Variants in DSG4 observed in about 807,000 individuals in gnomAD.
DSG4 encodes desmoglein 4.
In DSG4, 87 loss-of-function variants were observed where a neutral mutation model predicts 93.1. The ratio of observed to expected loss-of-function variants is 0.93; its 90% confidence interval spans 0.79 to 1.12. The LOEUF (loss-of-function observed/expected upper bound fraction) is 1.12, where lower values mean the gene tolerates loss of function less well. DSG4 is among the 50% of genes most tolerant of loss of function. DSG4 has a pLI of 0.00. For synonymous variants in DSG4, 432 were observed against 452.9 expected (o/e 0.95, Z 0.59); for missense variants, 1,373 against 1,285.7 (o/e 1.07, Z -1.04).
intron 13 of DSG4, 54 bp downstream of exon 13, chr18:31,409,645 A>G (rs2072465038): frequency 1.2e-6 from 2 of 1,614,084 alleles, no homozygotes; most frequent in Admixed American, 3.3e-5. Flanking sequence ...GAAATTGAGC[A>G]TGTCTTAACA....
At position 31,391,117 on chromosome 18, in the gene DSG4, C is replaced by T. The variant is rs867571290; in HGVS notation, c.724C>T (p.Arg242Trp). The T allele has an allele frequency of 1.5e-5, 25 of 1,613,536 alleles. No homozygotes were observed. Among genetic ancestry groups the T allele is most frequent in the East Asian group, 2.2e-5 (1 of 44,868 alleles). ...MYNLVVRGSD[R>W]DGAADGLSSE... ...CAACCTGGTTGTGAGAGGCTCAGATCGGGATGGAGCTGCAGATGGACTGTC... is the reference window on the plus strand; with the variant it reads ...CAACCTGGTTGTGAGAGGCTCAGATTGGGATGGAGCTGCAGATGGACTGTC... Residue 242 changes from arginine (R) to tryptophan (W), a missense_variant, in exon 7 of 16, where the codon CGG (arginine) becomes TGG (tryptophan). Physicochemically the swap from Arg to Trp is moderately radical, Grantham distance 101. Coordinates refer to ENST00000308128, the MANE Select transcript of DSG4 (RefSeq NM_177986.5).
At chr18:31,409,093 A>AT (rs751793702) in intron 12 of DSG4, among the ~76,000 whole-genome samples, 6 of 152,200 alleles carry the variant, frequency 3.9e-5, no homozygotes, top group Non-Finnish European at 5.9e-5. Flanking sequence ...AATCCTCTTG[A>AT]TAACATATAT....
intron 12 of DSG4, among the ~76,000 whole-genome samples, chr18:31,408,969 G>T (rs928386950): frequency 2.6e-5 from 4 of 152,072 alleles, no homozygotes; most frequent in African/African-American, 9.7e-5. Context: ...TAAAATAATT[G>T]TAAATATCTC....
intron 5 of DSG4, among the ~76,000 whole-genome samples, chr18:31,389,397 G>A (rs2072224885): frequency 6.6e-6 from 1 of 152,146 alleles, no homozygotes; most frequent in Non-Finnish European, 1.5e-5. Context: ...CAGGTAGAGC[G>A]TGATGGTGGA....
intron 1 of DSG4, 89 bp downstream of exon 1, chr18:31,377,048 C>A: frequency 7.4e-7 from 1 of 1,344,808 alleles, no homozygotes. Flanking sequence ...GGATTTATTC[C>A]ATTTTTAATC....
In DSG4 at chr18:31,376,860, G is replaced by A. The variant is rs112493254; in HGVS notation, c.-52G>A. On this transcript the variant is annotated 5_prime_UTR_variant, in exon 1 of 16. Coordinates refer to ENST00000308128, the MANE Select transcript of DSG4 (RefSeq NM_177986.5). ...GAGCAGAATTCGGAACTGAGAAGACGAGGGCTCAAATTGAATCTCACAGGA... is the reference window on the plus strand; with the variant it reads ...GAGCAGAATTCGGAACTGAGAAGACAAGGGCTCAAATTGAATCTCACAGGA... The A allele has an allele frequency of 3.2e-4, 515 of 1,606,664 alleles. 5 individuals carry two copies. In the South Asian group the frequency reaches 5.0e-3, roughly 15 times the overall value.
chr18:31,389,102 A>G, intron 5 of DSG4, 84 bp downstream of exon 5: 2 of 1,508,858 alleles, frequency 1.3e-6, no homozygotes, highest in Non-Finnish European at 1.8e-6. Flanking sequence ...CATACAGGAA[A>G]TGTAAAGGAC....
chr18:31,394,622 A>C (rs2072285569), intron 8 of DSG4, among the ~76,000 whole-genome samples: 1 of 151,764 alleles, frequency 6.6e-6, no homozygotes. Context: ...AATTATTATG[A>C]TATTAATTAA....
chr18:31,392,456 T>C, intron 8 of DSG4, 116 bp downstream of exon 8: 1 of 1,144,894 alleles, frequency 8.7e-7, no homozygotes, highest in Admixed American at 2.0e-5. Context: ...ACTTTGAATA[T>C]TGTTTATATC....
chr18:31,399,635 AG>A, intron 9 of DSG4, 92 bp downstream of exon 9: 1 of 1,546,856 alleles, frequency 6.5e-7, no homozygotes. Context: ...ATACTTTTGG[AG>A]GGCTTTTTTG....
intron 14 of DSG4, among the ~76,000 whole-genome samples, chr18:31,410,919 C>T (rs2072480387): frequency 1.3e-5 from 2 of 152,236 alleles, no homozygotes; most frequent in African/African-American, 2.4e-5. Flanking sequence ...AAGCCCGCAG[C>T]AGCCACGGCG....
In DSG4 at chr18:31,400,997, C is replaced by G; in HGVS notation, c.1394C>G (p.Thr465Arg). Reference protein sequence around the residue: ...KSKYIINGIYTAEILAIDDGS... With the variant: ...KSKYIINGIYRAEILAIDDGS... ...AAATATATTATCAATGGGATATACACAGCAGAGATCCTGGCTATAGATGGT... is the reference window on the plus strand; with the variant it reads ...AAATATATTATCAATGGGATATACAGAGCAGAGATCCTGGCTATAGATGGT... Residue 465 changes from threonine to arginine, a missense_variant, in exon 10 of 16, where the codon ACA (threonine) becomes AGA (arginine). Transcript: ENST00000308128. The G allele has an allele frequency of 6.2e-7, 1 of 1,606,150 alleles. No homozygotes were observed. The highest frequency in any genetic ancestry group is 1.7e-5 in the Admixed American group (1 of 59,612).
intron 1 of DSG4, among the ~76,000 whole-genome samples, chr18:31,382,737 GC>G (rs747210820): frequency 1.2e-4 from 18 of 152,098 alleles, no homozygotes; most frequent in Non-Finnish European, 2.2e-4. Flanking sequence ...CATCCTTAGA[GC>G]CAGCTGAGCA....
At position 31,392,315 on chromosome 18, in the gene DSG4, A is replaced by G. The variant is rs149724713; in HGVS notation, c.980A>G (p.Asn327Ser). 5.6e-4 allele frequency: 905 copies of G among 1,613,710 alleles called. 8 individuals are homozygous for G. In the African/African-American group the frequency reaches 0.011, roughly 19 times the overall value. ...WFDIQTDPQT[N>S]EGILKVVKML... is the part of the protein sequence containing the mutation. ...GATATTCAAACAGATCCACAAACCAATGAAGGCATTTTGAAAGTTGTCAAG... is the reference window on the plus strand; with the variant it reads ...GATATTCAAACAGATCCACAAACCAGTGAAGGCATTTTGAAAGTTGTCAAG... Residue 327 changes from asparagine (N) to serine (S), a missense_variant, in exon 8 of 16, where the codon AAT becomes AGT. Transcript: ENST00000308128.
chr18:31,399,759 G>A (rs1390070929), intron 9 of DSG4, among the ~76,000 whole-genome samples: 1 of 152,174 alleles, frequency 6.6e-6, no homozygotes, highest in Non-Finnish European at 1.5e-5. Context: ...AAAAGTAATT[G>A]TGTCCAGTGA....
chr18:31,392,441 T>C, intron 8 of DSG4, 101 bp downstream of exon 8: 1 of 1,285,324 alleles, frequency 7.8e-7, no homozygotes, highest in Non-Finnish European at 1.1e-6. Flanking sequence ...AAAAAGTACT[T>C]CATAACTTTG....
intron 11 of DSG4, among the ~76,000 whole-genome samples, chr18:31,404,765 C>G (rs1014486381): frequency 2.0e-5 from 3 of 152,164 alleles, no homozygotes; most frequent in African/African-American, 7.2e-5. Context: ...CCATTAATAT[C>G]AAGTCAACTC....
chr18:31,388,203 G>A (rs140661448), intron 3 of DSG4, among the ~76,000 whole-genome samples, 164 bp from the exon 4 acceptor site: 24 of 152,130 alleles, frequency 1.6e-4, no homozygotes, highest in African/African-American at 5.3e-4. Context: ...GCTGATCTGG[G>A]CAAAGTTAAG....
intron 12 of DSG4, among the ~76,000 whole-genome samples, chr18:31,408,172 C>A (rs1203062022): frequency 6.6e-6 from 1 of 152,174 alleles, no homozygotes; most frequent in African/African-American, 2.4e-5. Context: ...GATCTGAGCC[C>A]AAACCTATGT....
Sources: gnomAD v4.1 joint callset for allele counts (sites outside exome capture counted in the v4.1 genomes callset) on GRCh38, gnomAD v4.1.1 for gene constraint, MANE v1.5 for transcripts, NCBI Gene and HGNC (gene_info 2026-07-23, HGNC 2026-07-21) for gene names.